The following SLC39A11 variants were observed in gnomAD, a reference collection of about 807,000 sequenced individuals.
SLC39A11 encodes zinc transporter ZIP11.
A neutral mutation model predicts 36.1 loss-of-function variants in SLC39A11; 33 were observed. The ratio of observed to expected loss-of-function variants is 0.91; its 90% CI spans 0.69 to 1.22. The LOEUF is 1.22. SLC39A11 is among the 50% of genes most tolerant of loss of function. The pLI is 0.00. For synonymous variants in SLC39A11, 166 were observed against 170.3 expected, an observed-to-expected ratio of 0.97 and a Z score of 0.20; for missense variants, 432 against 430.3, an observed-to-expected ratio of 1.00 and a Z score of -0.03.
chr17:72,685,851 C>G (rs1210951280), intron 7 of SLC39A11, among the ~76,000 whole-genome samples: 1 of 152,048 alleles, frequency 6.6e-6, no homozygotes, highest in Non-Finnish European at 1.5e-5. Flanking sequence ...CCAGCCTGGG[C>G]AACATGAAAC....
intron 4 of SLC39A11, among the ~76,000 whole-genome samples, chr17:73,013,819 GA>G (rs757738831): frequency 3.9e-5 from 6 of 152,118 alleles, no homozygotes; most frequent in Non-Finnish European, 7.3e-5. Context: ...CAGGACCAAT[GA>G]GGGGATAATG....
chr17:72,662,652 A>AAAG (rs1567918226), intron 7 of SLC39A11, among the ~76,000 whole-genome samples: 1 of 150,662 alleles, frequency 6.6e-6, no homozygotes, highest in East Asian at 1.9e-4. Flanking sequence ...AGAAAAAGAA[A>AAAG]AAAGAAAAGA....
chr17:72,942,793 T>C (rs764783283), intron 5 of SLC39A11, among the ~76,000 whole-genome samples: 1 of 152,120 alleles, frequency 6.6e-6, no homozygotes, highest in Non-Finnish European at 1.5e-5. Context: ...AGAGAAGAGA[T>C]TGCATCCCAC....
intron 5 of SLC39A11, among the ~76,000 whole-genome samples, chr17:72,879,710 T>C (rs1423435172): frequency 6.6e-6 from 1 of 152,240 alleles, no homozygotes; most frequent in East Asian, 1.9e-4. Flanking sequence ...TCCCTGCAGC[T>C]GCTGAGTGAC....
At chr17:72,966,325 G>A (rs762329666) in intron 4 of SLC39A11, among the ~76,000 whole-genome samples, 3 of 152,188 alleles carry the variant, frequency 2.0e-5, no homozygotes, top group Non-Finnish European at 4.4e-5. Flanking sequence ...AGGCTCTTTC[G>A]GGTGTGGGCA....
intron 7 of SLC39A11, among the ~76,000 whole-genome samples, chr17:72,691,019 A>T (rs2072002205): frequency 6.6e-6 from 1 of 152,210 alleles, no homozygotes. Context: ...CAGAAGGGCC[A>T]CACCATTTTA....
intron 3 of SLC39A11, among the ~76,000 whole-genome samples, chr17:73,032,951 C>G (rs2058785448): frequency 6.6e-6 from 1 of 152,166 alleles, no homozygotes. Context: ...GCTCATGGTC[C>G]TACAGGCCAG....
At chr17:72,680,046 A>C (rs1417135661) in intron 7 of SLC39A11, among the ~76,000 whole-genome samples, 1 of 97,370 alleles carries the variant, frequency 1.0e-5, no homozygotes, top group African/African-American at 2.8e-5. Flanking sequence ...TGTCTCAAAA[A>C]AAAAAAAAAA....
At chr17:72,730,114 T>C (rs1486536822) in intron 7 of SLC39A11, among the ~76,000 whole-genome samples, 1 of 152,208 alleles carries the variant, frequency 6.6e-6, no homozygotes, top group Non-Finnish European at 1.5e-5. Flanking sequence ...ACAGTTTATA[T>C]ATGTCCACTG....
At chr17:72,672,253 A>T (rs993270322) in intron 7 of SLC39A11, among the ~76,000 whole-genome samples, 2 of 152,228 alleles carry the variant, frequency 1.3e-5, no homozygotes, top group Middle Eastern at 3.2e-3. Flanking sequence ...GTTCGAGACC[A>T]ACCTGGCCAA....
chr17:72,755,204 T>C (rs1183705787), intron 6 of SLC39A11, among the ~76,000 whole-genome samples: 1 of 152,122 alleles, frequency 6.6e-6, no homozygotes, highest in African/African-American at 2.4e-5. Flanking sequence ...AGATGTGAAA[T>C]GAGGAAAGGT....
chr17:72,713,175 G>T (rs939438270), intron 7 of SLC39A11, among the ~76,000 whole-genome samples: 6 of 152,144 alleles, frequency 3.9e-5, no homozygotes, highest in Non-Finnish European at 8.8e-5. Flanking sequence ...GTTCGTGGTG[G>T]AGACTTCTGG....
At chr17:73,037,155 G>A (rs2058947344) in intron 3 of SLC39A11, among the ~76,000 whole-genome samples, 1 of 152,200 alleles carries the variant, frequency 6.6e-6, no homozygotes. Flanking sequence ...TTGCTTCTGA[G>A]TTTTGTCGAT....
chr17:72,664,844 TTCTTC>T (rs1209377912), intron 7 of SLC39A11, among the ~76,000 whole-genome samples: 3 of 152,190 alleles, frequency 2.0e-5, no homozygotes, highest in Non-Finnish European at 2.9e-5. Context: ...CTCCATTCTC[TTCTTC>T]TCTTCTGATT....
intron 4 of SLC39A11, among the ~76,000 whole-genome samples, chr17:72,979,045 T>C (rs2088085849): frequency 6.6e-6 from 1 of 152,170 alleles, no homozygotes; most frequent in Non-Finnish European, 1.5e-5. Context: ...GTAAACCCCA[T>C]AATCACCACG....
chr17:72,814,884 C>G (rs1388313862), intron 6 of SLC39A11, among the ~76,000 whole-genome samples: 1 of 152,160 alleles, frequency 6.6e-6, no homozygotes, highest in African/African-American at 2.4e-5. Context: ...TCAAGGACAC[C>G]AACACTAAAT....
At chr17:72,945,074 A>ATGGATGGGG (rs2085353413) in intron 5 of SLC39A11, among the ~76,000 whole-genome samples, 1 of 87,606 alleles carries the variant, frequency 1.1e-5, no homozygotes, top group Non-Finnish European at 2.2e-5. Context: ...GATGGATGGG[A>ATGGATGGGG]GAGAGAATGA....
At position 73,016,265 on chromosome 17, in the gene SLC39A11, A is replaced by T. The variant is rs1028223590; in HGVS notation, c.306+15291T>A. On this transcript the variant is annotated intron_variant, in intron 4 of 9. Transcript: ENST00000255559. ...TCAGAATCTCCTAGACACCTGATAAAAGTAAAGATTCCTGGGTTCCACTCC... is the reference window on the plus strand; with the variant it reads ...TCAGAATCTCCTAGACACCTGATAATAGTAAAGATTCCTGGGTTCCACTCC... Among the ~76,000 whole-genome samples the T allele has an allele frequency of 5.9e-5, 9 of 152,310 alleles. No homozygotes were observed. In the East Asian group the frequency reaches 1.7e-3, roughly 29 times the overall value.
chr17:72,868,696 C>T (rs1205819194), intron 5 of SLC39A11, among the ~76,000 whole-genome samples: 1 of 148,060 alleles, frequency 6.8e-6, no homozygotes, highest in Non-Finnish European at 1.5e-5. Flanking sequence ...ACAGGCCCAG[C>T]TACTTGGGAG....
Sources: allele counts gnomAD v4.1 joint callset (sites outside exome capture counted in the v4.1 genomes callset), GRCh38; gene constraint gnomAD v4.1.1; transcripts MANE v1.5; gene names NCBI Gene and HGNC (gene_info 2026-07-23, HGNC 2026-07-21).